CHSY3: variants seen among roughly 807,000 people sequenced by gnomAD.
CHSY3 encodes the protein N-acetylgalactosaminyl-proteoglycan 3-beta-glucuronosyltransferase 3.
A neutral mutation model predicts 67.2 loss-of-function variants in CHSY3; 35 were observed. That is an observed-to-expected ratio of 0.52 (90% CI 0.40 to 0.69). The LOEUF (loss-of-function observed/expected upper bound fraction) is 0.69. Among genes scored for constraint, CHSY3 ranks in the 30% least tolerant of loss-of-function variants. CHSY3 has a pLI of 0.00. For missense variants in CHSY3, 1,069 were observed against 1,138.5 expected, an observed-to-expected ratio of 0.94 and a Z score of 0.88; for synonymous variants, 474 against 434.7, an observed-to-expected ratio of 1.09 and a Z score of -1.12.
intron 2 of CHSY3, among the ~76,000 whole-genome samples, chr5:129,921,884 G>A (rs1056629517): frequency 9.9e-5 from 15 of 151,902 alleles, no homozygotes; most frequent in African/African-American, 3.1e-4. Context: ...TAAAATATAC[G>A]ATGAACTATT....
Position 130,185,113 on chromosome 5 carries a change from C to T in CHSY3, c.1971C>T (p.Ile657=), listed in dbSNP as rs1463187966. ...AGCAGAATGTAAAGTTGGTCATTAT[C>T]CTTTTCAGTAGGGATTCTGGCCAAG... is the stretch of plus-strand genomic sequence containing the variant. The part of the protein sequence containing the change: ...IPKQNVKLVI[I]LFSRDSGQDS... Residue 657 remains isoleucine (I), a synonymous_variant, in exon 3 of 3, where the codon ATC becomes ATT. Transcript: ENST00000305031. The T allele has an allele frequency of 1.3e-6, 2 of 1,597,118 alleles. No homozygotes were observed. The highest frequency in any genetic ancestry group is 1.1e-5 in the South Asian group (1 of 90,672).
At chr5:130,070,013 A>T (rs1048548951) in intron 2 of CHSY3, among the ~76,000 whole-genome samples, 1 of 152,098 alleles carries the variant, frequency 6.6e-6, no homozygotes, top group Non-Finnish European at 1.5e-5. Context: ...AGATATAGGC[A>T]TATATTTCTA....
chr5:129,928,652 A>G (rs552996554), intron 2 of CHSY3, among the ~76,000 whole-genome samples: 2 of 152,318 alleles, frequency 1.3e-5, no homozygotes, highest in South Asian at 4.1e-4. Context: ...AATTAAAACT[A>G]TGCTAAACAA....
At chr5:130,111,432 G>T (rs546516427) in intron 2 of CHSY3, among the ~76,000 whole-genome samples, 1 of 152,042 alleles carries the variant, frequency 6.6e-6, no homozygotes, top group African/African-American at 2.4e-5. Flanking sequence ...TCTAGCTGTT[G>T]TTAAGTTTGT....
rs889114516 is a variant in CHSY3, at chr5:130,091,085, G to A, written c.1087-93144G>A. Among the ~76,000 whole-genome samples the A allele has an allele frequency of 6.0e-5, 9 of 151,032 alleles. No homozygotes were observed. In the East Asian group the frequency reaches 1.8e-3, roughly 30 times the overall value. On this transcript the variant is annotated intron_variant, in intron 2 of 2. Transcript: ENST00000305031. ...ACTTTGGACCATTGCCAAAGCACCA[G>A]GTCTGCTGTTTCTGAACTTAAACGC...
intron 2 of CHSY3, among the ~76,000 whole-genome samples, chr5:130,132,649 C>G (rs1161668826): frequency 6.6e-6 from 1 of 152,162 alleles, no homozygotes; most frequent in Non-Finnish European, 1.5e-5. Flanking sequence ...TTGATTGATA[C>G]AGATAGCCCA....
At chr5:130,088,526 C>G (rs1305039703) in intron 2 of CHSY3, among the ~76,000 whole-genome samples, 1 of 151,914 alleles carries the variant, frequency 6.6e-6, no homozygotes, top group Admixed American at 6.6e-5. Context: ...AACAGATTTA[C>G]AAGAAAAAAA....
chr5:130,016,373 T>A (rs1391724948), intron 2 of CHSY3, among the ~76,000 whole-genome samples: 1 of 152,234 alleles, frequency 6.6e-6, no homozygotes, highest in Non-Finnish European at 1.5e-5. Context: ...GTCCATCATT[T>A]TCAAATAACA....
At chr5:130,019,267 T>C (rs1263067270) in intron 2 of CHSY3, among the ~76,000 whole-genome samples, 1 of 152,182 alleles carries the variant, frequency 6.6e-6, no homozygotes, top group Non-Finnish European at 1.5e-5. Flanking sequence ...GACCTTAATA[T>C]AAATTTTAAA....
At chr5:130,175,848 A>C (rs995915483) in intron 2 of CHSY3, among the ~76,000 whole-genome samples, 3 of 152,226 alleles carry the variant, frequency 2.0e-5, no homozygotes, top group African/African-American at 7.2e-5. Flanking sequence ...CTTATAAATT[A>C]ACTGAAGATG....
intron 2 of CHSY3, among the ~76,000 whole-genome samples, chr5:130,118,440 A>G (rs1029273575): frequency 2.0e-5 from 3 of 151,912 alleles, no homozygotes; most frequent in African/African-American, 4.8e-5. Flanking sequence ...CTATCTGTCT[A>G]TATATACACA....
Position 129,905,118 on chromosome 5 carries a change from A to G in CHSY3, c.289A>G (p.Ser97Gly). 6.5e-7 allele frequency: 1 copy of G among 1,538,568 alleles called. No homozygotes were observed. The highest frequency in any genetic ancestry group is 1.9e-5 in the Admixed American group (1 of 52,104). The change falls in exon 1 of 3, where the codon AGT becomes GGT. Residue 97 changes from serine (S) to glycine (G), a missense_variant. Transcript: ENST00000305031. ...PLPEAAPGIT[S>G]FRSSPWQQPP... ...GCCCGAGGCAGCACCCGGGATCACC[A>G]GTTTTCGAAGCAGCCCCTGGCAGCA...
intron 2 of CHSY3, among the ~76,000 whole-genome samples, chr5:129,954,900 G>A (rs1207485969): frequency 2.6e-5 from 4 of 151,944 alleles, no homozygotes; most frequent in South Asian, 2.1e-4. Flanking sequence ...ATGGAGTCTC[G>A]CTCTGCCACC....
intron 2 of CHSY3, among the ~76,000 whole-genome samples, chr5:130,031,547 A>C (rs1447322190): frequency 6.6e-6 from 1 of 152,150 alleles, no homozygotes; most frequent in Non-Finnish European, 1.5e-5. Context: ...TGGCTAGTAC[A>C]CCAATAAAAC....
intron 2 of CHSY3, among the ~76,000 whole-genome samples, chr5:130,012,236 A>T (rs1254139802): frequency 6.6e-6 from 1 of 152,240 alleles, no homozygotes; most frequent in Non-Finnish European, 1.5e-5. Context: ...TGGTACTGAT[A>T]CAAAAATAGA....
chr5:129,998,000 T>C (rs757050890), intron 2 of CHSY3, among the ~76,000 whole-genome samples: 1 of 152,196 alleles, frequency 6.6e-6, no homozygotes, highest in Non-Finnish European at 1.5e-5. Flanking sequence ...GGTAGCATGA[T>C]TTATTATTCT....
At chr5:129,967,686 A>G (rs929888144) in intron 2 of CHSY3, among the ~76,000 whole-genome samples, 1 of 151,820 alleles carries the variant, frequency 6.6e-6, no homozygotes, top group African/African-American at 2.4e-5. Context: ...GAGAGTGGCT[A>G]TTAATTATAC....
intron 2 of CHSY3, among the ~76,000 whole-genome samples, chr5:130,088,765 T>C (rs1408568991): frequency 4.6e-5 from 7 of 152,138 alleles, no homozygotes; most frequent in East Asian, 1.9e-4. Flanking sequence ...CACTTTTACA[T>C]TGTTGGTGGG....
intron 2 of CHSY3, among the ~76,000 whole-genome samples, chr5:129,971,190 G>A (rs1762631431): frequency 6.6e-6 from 1 of 151,662 alleles, no homozygotes; most frequent in African/African-American, 2.4e-5. Flanking sequence ...AACTCTGCAT[G>A]TATTTTAATT....
Sources: allele counts gnomAD v4.1 joint callset (sites outside exome capture counted in the v4.1 genomes callset), GRCh38; gene constraint gnomAD v4.1.1; transcripts MANE v1.5; gene names NCBI Gene and HGNC (gene_info 2026-07-23, HGNC 2026-07-21).